The following GALNT5 variants were observed in gnomAD, a reference collection of about 807,000 sequenced individuals.
GALNT5 encodes the protein polypeptide N-acetylgalactosaminyltransferase 5.
GALNT5 carries 72 observed loss-of-function variants against 85.4 expected under a neutral mutation model. That is an observed-to-expected ratio of 0.84 (90% CI 0.70 to 1.03). The LOEUF is 1.03. Among genes scored for constraint, GALNT5 ranks in the 50% least tolerant of loss-of-function variants. The pLI is 0.00. For missense variants in GALNT5, 1,137 were observed against 1,135.5 expected (o/e 1.00, Z -0.02); for synonymous variants, 404 against 397.0 (o/e 1.02, Z -0.21).
At chr2:157,291,474 C>T (rs192060291) in intron 3 of GALNT5, among the ~76,000 whole-genome samples, 95 of 152,200 alleles carry the variant, frequency 6.2e-4, no homozygotes, top group African/African-American at 2.0e-3. Context: ...TTAAACGGCA[C>T]GCCAAGCCAA....
intron 3 of GALNT5, among the ~76,000 whole-genome samples, chr2:157,292,119 T>G (rs957837661): frequency 2.6e-5 from 4 of 152,182 alleles, no homozygotes; most frequent in Non-Finnish European, 5.9e-5. Context: ...CTTAGAAATA[T>G]CTTCATAGGG....
chr2:157,277,946 G>A (rs1682773223), intron 1 of GALNT5, among the ~76,000 whole-genome samples: 1 of 152,170 alleles, frequency 6.6e-6, no homozygotes, highest in African/African-American at 2.4e-5. Flanking sequence ...GTCTGTTTTT[G>A]CAGTGGCTGG....
chr2:157,275,596 C>T (rs140665695), intron 1 of GALNT5, among the ~76,000 whole-genome samples: 3 of 152,182 alleles, frequency 2.0e-5, no homozygotes, highest in African/African-American at 7.2e-5. Flanking sequence ...AATTGTGAAT[C>T]GGAGTTCACT....
chr2:157,276,975 C>A (rs1177288758), intron 1 of GALNT5, among the ~76,000 whole-genome samples: 1 of 152,068 alleles, frequency 6.6e-6, no homozygotes, highest in Non-Finnish European at 1.5e-5. Flanking sequence ...ATAAATTTCC[C>A]TCTACACACT....
rs1682297389 is a variant in GALNT5 at position 157,259,716 on chromosome 2, A to G, written c.1454+180A>G. ...CAGAGACAAAAATTCTCTTATTAGC[A>G]GTTGCAGAGTTCTTGTTCTCTGAGA... On this transcript the variant is annotated intron_variant, in intron 1 of 9. Coordinates refer to ENST00000259056, the MANE Select transcript of GALNT5 (RefSeq NM_014568.3). Among the ~76,000 whole-genome samples the G allele has an allele frequency of 2.0e-5, 3 of 152,374 alleles. No individual in the cohort carries two copies. In the South Asian group the frequency reaches 6.2e-4, roughly 32 times the overall value.
In GALNT5 at chr2:157,292,699, A is replaced by T. The variant is rs909755604; in HGVS notation, c.1742-2964A>T. Reference sequence around the variant, plus strand: ...CTAGGTCTGAATGGACCACAAGTAGAAATCGTATTATTATTTTTTTTTTTT... The same window carrying T: ...CTAGGTCTGAATGGACCACAAGTAGTAATCGTATTATTATTTTTTTTTTTT... On this transcript the variant is annotated intron_variant, in intron 3 of 9. Transcript: ENST00000259056. 7.2e-5 allele frequency among the ~76,000 whole-genome samples: 11 copies of T among 151,898 alleles called. No homozygotes were observed. In the South Asian group the frequency reaches 1.5e-3, roughly 20 times the overall value.
Position 157,314,640 on chromosome 2 carries a change from T to A in GALNT5, c.*3292T>A, listed in dbSNP as rs947666434. Among the ~76,000 whole-genome samples, 1 of 152,164 alleles carries A rather than the reference T, an allele frequency of 6.6e-6. No homozygotes were observed. Among genetic ancestry groups the A allele is most frequent in the African/African-American group, 2.4e-5 (1 of 41,448 alleles). On this transcript the variant is annotated 3_prime_UTR_variant, in exon 10 of 10. Transcript: ENST00000259056. Reference sequence around the variant, plus strand: ...TTTACAGTATATAGGAGTCCAATATTCCCAACCAACCTTGATTTCATGAAT... The same window carrying A: ...TTTACAGTATATAGGAGTCCAATATACCCAACCAACCTTGATTTCATGAAT...
intron 7 of GALNT5, 61 bp from the exon 8 acceptor site, chr2:157,305,688 C>A: frequency 2.2e-6 from 2 of 927,846 alleles, no homozygotes; most frequent in Non-Finnish European, 3.6e-6. Context: ...CTAAATGTGT[C>A]TGAATGTCTT....
chr2:157,300,272 G>A (rs1017889765), intron 6 of GALNT5, among the ~76,000 whole-genome samples: 1 of 152,194 alleles, frequency 6.6e-6, no homozygotes, highest in Non-Finnish European at 1.5e-5. Flanking sequence ...TGCTGATCAT[G>A]AAGGATGGTT....
intron 9 of GALNT5, among the ~76,000 whole-genome samples, chr2:157,309,722 G>A (rs1218790521): frequency 6.6e-6 from 1 of 152,162 alleles, no homozygotes; most frequent in East Asian, 1.9e-4. Flanking sequence ...CCTGCTCAGA[G>A]CCAAAACTGG....
intron 7 of GALNT5, among the ~76,000 whole-genome samples, chr2:157,303,442 C>T (rs1386116954): frequency 6.6e-6 from 1 of 152,104 alleles, no homozygotes; most frequent in Non-Finnish European, 1.5e-5. Context: ...TGTCTACTTC[C>T]TAAATTGGAA....
chr2:157,291,197 C>G (rs1028837226), intron 3 of GALNT5, among the ~76,000 whole-genome samples: 1 of 152,202 alleles, frequency 6.6e-6, no homozygotes, highest in Admixed American at 6.5e-5. Context: ...AGAGGAGTTA[C>G]AGTCAGGCAG....
At chr2:157,276,888 G>T (rs11898978) in intron 1 of GALNT5, among the ~76,000 whole-genome samples, 3 of 151,836 alleles carry the variant, frequency 2.0e-5, no homozygotes, top group African/African-American at 7.3e-5. Context: ...GCTCTTGCTT[G>T]TCTAGTTCTT....
At position 157,265,130 on chromosome 2, in the gene GALNT5, C is replaced by T. The variant is rs190696395; in HGVS notation, c.1454+5594C>T. 1.8e-4 allele frequency among the ~76,000 whole-genome samples: 28 copies of T among 152,210 alleles called. No homozygotes were observed. The East Asian group carries it at 2.1e-3, about 12-fold the overall frequency. ...GTGTATGTGTTCATTTGTGTGTGCACGTGCATGCATTTGTGAGCATTTGTG... is the reference window on the plus strand; with the variant it reads ...GTGTATGTGTTCATTTGTGTGTGCATGTGCATGCATTTGTGAGCATTTGTG... On this transcript the variant is annotated intron_variant, in intron 1 of 9. Transcript: ENST00000259056.
intron 8 of GALNT5, among the ~76,000 whole-genome samples, chr2:157,307,162 C>T (rs1317056610): frequency 1.3e-5 from 2 of 152,150 alleles, no homozygotes; most frequent in East Asian, 1.9e-4. Context: ...CAGGCTTCGA[C>T]TTCCACAAAG....
rs60607353 is a variant in GALNT5, at chr2:157,294,784, CCACACACACACACA to C, written c.1742-853_1742-840del. ...TCTCTCACACACACATCACATCACACCACACACACACACACACACACACACACACACACACACAC... is the reference window on the plus strand; with the variant it reads ...TCTCTCACACACACATCACATCACACCACACACACACACACACACACACAC... On this transcript the variant is annotated intron_variant, in intron 3 of 9. Transcript: ENST00000259056. Among the ~76,000 whole-genome samples, 444 of 147,020 alleles carry C rather than the reference CCACACACACACACA, an allele frequency of 3.0e-3. 2 individuals are homozygous for C. Among genetic ancestry groups the C allele is most frequent in the African/African-American group, 9.2e-3 (365 of 39,810 alleles).
chr2:157,292,713 T>C (rs1220128825), intron 3 of GALNT5, among the ~76,000 whole-genome samples: 1 of 137,048 alleles, frequency 7.3e-6, no homozygotes, highest in Non-Finnish European at 1.6e-5. Flanking sequence ...CGTATTATTA[T>C]TTTTTTTTTT....
chr2:157,259,379 A>C lies in GALNT5; in HGVS notation c.1297A>C (p.Arg433=). 1 of 1,506,336 alleles carries C rather than the reference A, an allele frequency of 6.6e-7. No homozygotes were observed. The highest frequency in any genetic ancestry group is 1.4e-5 in the South Asian group (1 of 70,668). 93.3% of individuals were successfully genotyped at this position (1,506,336 alleles called of 1,614,324 possible). A position where few individuals can be genotyped will look rare whatever the true frequency, so the allele number is the denominator to read the frequency against. Residue 433 remains arginine, a synonymous_variant, in exon 1 of 10, where the codon AGG becomes CGG. Transcript: ENST00000259056. ...AAGAATTGATGTGACACTTTCTCCA[A>C]GGGACCCCAAAGCTCCAGGGCAGTT... The part of the protein sequence containing the change: ...VLRIDVTLSP[R]DPKAPGQFGR...
At chr2:157,263,120 T>A (rs543671324) in intron 1 of GALNT5, among the ~76,000 whole-genome samples, 2 of 151,770 alleles carry the variant, frequency 1.3e-5, no homozygotes, top group South Asian at 4.2e-4. Context: ...AGCCACCGCA[T>A]CCGGCCCACA....
Sources: allele counts gnomAD v4.1 joint callset (sites outside exome capture counted in the v4.1 genomes callset), GRCh38; gene constraint gnomAD v4.1.1; transcripts MANE v1.5; gene names NCBI Gene and HGNC (gene_info 2026-07-23, HGNC 2026-07-21).